The following STARD9 variants were observed in gnomAD, a reference collection of about 807,000 sequenced individuals.
STARD9 encodes the protein stAR-related lipid transfer protein 9.
In STARD9, 346 loss-of-function variants were observed where a neutral mutation model predicts 399.8. That is an observed-to-expected ratio of 0.87 (90% CI 0.79 to 0.95). The LOEUF is 0.95. Ranked by LOEUF, STARD9 falls within the 40% of genes least tolerant of loss-of-function variation. STARD9 has a pLI of 0.00. For synonymous variants in STARD9, 2,203 were observed against 2,143.5 expected (o/e 1.03, Z -0.77); for missense variants, 5,832 against 5,667.5 (o/e 1.03, Z -0.93).
At chr15:42,652,372 C>G (rs574331242) in intron 8 of STARD9, 148 bp from the exon 9 acceptor site, 1 of 677,502 alleles carries the variant, frequency 1.5e-6, no homozygotes, top group South Asian at 1.8e-5. Context: ...TTGGACTATT[C>G]TCTTCACGAT....
chr15:42,706,336 A>G (rs928073450), intron 26 of STARD9, among the ~76,000 whole-genome samples: 5 of 151,614 alleles, frequency 3.3e-5, no homozygotes, highest in Non-Finnish European at 7.4e-5. Flanking sequence ...TCTTCTGATT[A>G]TTTTGTGTGT....
At chr15:42,638,633 T>G (rs2059468119) in intron 6 of STARD9, 67 bp from the exon 7 acceptor site, 2 of 1,135,936 alleles carry the variant, frequency 1.8e-6, no homozygotes, top group Non-Finnish European at 2.5e-6. Context: ...CTCCTGATTT[T>G]TAGCTCAATG....
chr15:42,689,100 G>A lies in STARD9; in HGVS notation c.7522G>A (p.Ala2508Thr). The change falls in exon 23 of 33, where the codon GCA becomes ACA. Residue 2508 changes from alanine (A) to threonine (T), a missense_variant. Transcript: ENST00000290607. ...CCAAGCCAGCAAGCCAAGGCAGAAG[G>A]CAGAGAAGGAGACTGAGGACGTCGG... ...SDQASKPRQK[A>T]EKETEDVGLT... The A allele has an allele frequency of 6.5e-7, 1 of 1,537,318 alleles. No homozygotes were observed. Among genetic ancestry groups the A allele is most frequent in the Non-Finnish European group, 8.7e-7 (1 of 1,146,924 alleles).
At chr15:42,596,566 A>G (rs2058510016) in intron 3 of STARD9, among the ~76,000 whole-genome samples, 1 of 152,206 alleles carries the variant, frequency 6.6e-6, no homozygotes, top group Admixed American at 6.5e-5. Flanking sequence ...AACAGGTGCT[A>G]AATTTTCTTC....
intron 3 of STARD9, among the ~76,000 whole-genome samples, chr15:42,593,765 G>T (rs535963698): frequency 3.0e-4 from 40 of 135,160 alleles, no homozygotes; most frequent in African/African-American, 1.1e-3. Flanking sequence ...CCAGGTCCAC[G>T]CCATTCTCCT....
intron 14 of STARD9, 78 bp from the exon 15 acceptor site, chr15:42,665,708 C>G: frequency 8.7e-7 from 1 of 1,150,660 alleles, no homozygotes; most frequent in Admixed American, 2.0e-5. Context: ...ATCTTATCCT[C>G]CTCCACAAGT....
At position 42,719,486 on chromosome 15, in the gene STARD9, C is replaced by A; in HGVS notation, c.14015C>A (p.Ala4672Asp). The A allele has an allele frequency of 6.5e-7, 1 of 1,536,588 alleles. No homozygotes were observed. Among genetic ancestry groups the A allele is most frequent in the East Asian group, 2.4e-5 (1 of 40,916 alleles). ...CTCTGCTTTCAGGTGGAACTTGGTG[C>A]TCCAGGCTTCCCACCTCAGCTCCTG... ...VIYLAQVELG[A>D]PGFPPQLLSS... The change falls in exon 33 of 33, where the codon GCT becomes GAT. Residue 4672 changes from alanine (A) to aspartate (D), a missense_variant. Physicochemically the swap from Ala to Asp is moderately radical, Grantham distance 126. Transcript: ENST00000290607.
intron 7 of STARD9, among the ~76,000 whole-genome samples, chr15:42,648,043 A>G (rs977853953): frequency 6.6e-6 from 1 of 152,156 alleles, no homozygotes; most frequent in Non-Finnish European, 1.5e-5. Context: ...CTTAAATGCC[A>G]TTTTTAGGGC....
chr15:42,626,258 C>A (rs566233543), intron 3 of STARD9, among the ~76,000 whole-genome samples: 2 of 151,116 alleles, frequency 1.3e-5, no homozygotes, highest in Non-Finnish European at 3.0e-5. Context: ...CTTCCTCTTC[C>A]TCTTCCTCTT....
At chr15:42,632,241 T>C (rs989946847) in intron 3 of STARD9, among the ~76,000 whole-genome samples, 1 of 152,246 alleles carries the variant, frequency 6.6e-6, no homozygotes, top group African/African-American at 2.4e-5. Context: ...TTTTTTCTGA[T>C]ACACATGTAG....
At chr15:42,658,455 C>A (rs1473619962) in intron 9 of STARD9, among the ~76,000 whole-genome samples, 1 of 150,034 alleles carries the variant, frequency 6.7e-6, no homozygotes, top group East Asian at 2.0e-4. Flanking sequence ...GGATTACAGG[C>A]ATGACCCACC....
chr15:42,675,910 G>A lies in STARD9; in HGVS notation c.1809G>A (p.Trp603Ter). 1 of 1,537,200 alleles carries A rather than the reference G, an allele frequency of 6.5e-7. No homozygotes were observed. The highest frequency in any genetic ancestry group is 8.7e-7 in the Non-Finnish European group (1 of 1,146,878). The change falls in exon 20 of 33, where the codon TGG (tryptophan) becomes TGA (stop). Residue 603 changes from tryptophan (W) to a stop codon, truncating the protein, a stop_gained. Coordinates refer to ENST00000290607, the MANE Select transcript of STARD9 (RefSeq NM_020759.3). LOFTEE classifies it high-confidence loss of function. The part of the protein sequence containing the change: ...EAAAGRGSLE[W>*]LDLDGDLAAS... The stretch of plus-strand genomic sequence containing the variant: ...CTGCTGGTCGTGGCTCGTTGGAGTG[G>A]CTGGATTTGGATGGAGATCTCGCTG...
chr15:42,655,054 G>C (rs2059837779), intron 9 of STARD9, among the ~76,000 whole-genome samples: 1 of 152,212 alleles, frequency 6.6e-6, no homozygotes, highest in African/African-American at 2.4e-5. Flanking sequence ...GGCCGAGGCA[G>C]GCGGATCACT....
At chr15:42,695,630 T>A in intron 25 of STARD9, 113 bp from the exon 26 acceptor site, 1 of 1,253,980 alleles carries the variant, frequency 8.0e-7, no homozygotes, top group South Asian at 1.5e-5. Flanking sequence ...GGGAGGTGGG[T>A]GAAGGAGCAG....
intron 3 of STARD9, among the ~76,000 whole-genome samples, chr15:42,632,319 T>C (rs2059347901): frequency 6.6e-6 from 1 of 152,184 alleles, no homozygotes; most frequent in South Asian, 2.1e-4. Flanking sequence ...TCAGTGTATA[T>C]GTGTCTTTAT....
In STARD9 at chr15:42,688,467, C is replaced by G. The variant is rs757144254; in HGVS notation, c.6889C>G (p.Pro2297Ala). The part of the protein sequence containing the change: ...QEENKVTQKF[P>A]SLSQLCRDTF... ...AGAAAATAAAGTGACTCAGAAATTT[C>G]CTAGTCTCAGCCAGCTTTGTAGGGA... Residue 2297 changes from proline (P) to alanine (A), a missense_variant, in exon 23 of 33, where the codon CCT becomes GCT. This residue lies in a region of STARD9 where 5,828 missense variants were observed against 5,651.1 expected (regional missense o/e 1.03). Transcript: ENST00000290607. 1.7e-4 allele frequency: 261 copies of G among 1,537,736 alleles called. 2 individuals carry two copies. The highest frequency in any genetic ancestry group is 1.3e-3 in the Middle Eastern group (8 of 6,018).
chr15:42,665,904 T>A, intron 15 of STARD9, 56 bp downstream of exon 15: 1 of 1,420,614 alleles, frequency 7.0e-7, no homozygotes, highest in Non-Finnish European at 9.6e-7. Context: ...GCTCCTCCAT[T>A]ATTCCGGAGC....
Position 42,688,103 on chromosome 15 carries a change from AC to A in STARD9, c.6527del (p.Pro2176LeufsTer9), listed in dbSNP as rs748852642. ...EHTHPAGSDR[P>X]ARDICDSLGK... ...ACACCCACCCAGCTGGATCGGACAGACCTGCCAGGGATATTTGTGATTCTTT... is the reference window on the plus strand; with the variant it reads ...ACACCCACCCAGCTGGATCGGACAGACTGCCAGGGATATTTGTGATTCTTT... On this transcript the variant is annotated frameshift_variant, in exon 23 of 33. Transcript: ENST00000290607. LOFTEE classifies it high-confidence loss of function. 1 of 1,537,350 alleles carries A rather than the reference AC, an allele frequency of 6.5e-7. No individual in the cohort carries two copies. The highest frequency in any genetic ancestry group is 1.2e-5 in the South Asian group (1 of 84,068).
intron 3 of STARD9, 57 bp from the exon 4 acceptor site, chr15:42,634,799 A>C: frequency 1.3e-6 from 1 of 767,846 alleles, no homozygotes; most frequent in Non-Finnish European, 2.0e-6. Flanking sequence ...AAATAATTCT[A>C]AATCTGCTAT....
Sources: gnomAD v4.1 joint callset for allele counts (sites outside exome capture counted in the v4.1 genomes callset) on GRCh38, gnomAD v4.1.1 for gene constraint, gnomAD v4.1.1 regional missense constraint, MANE v1.5 for transcripts, NCBI Gene and HGNC (gene_info 2026-07-23, HGNC 2026-07-21) for gene names.